Variants in CADM2 observed in about 807,000 individuals in gnomAD.
CADM2 encodes the protein immunoglobulin superfamily member 4D.
Under a neutral mutation model 49.8 loss-of-function variants are expected in CADM2, and 12 were observed. The ratio of observed to expected loss-of-function variants is 0.24; its 90% CI spans 0.15 to 0.39. The LOEUF (loss-of-function observed/expected upper bound fraction) is 0.39, where lower values mean the gene tolerates loss of function less well. Ranked by LOEUF, CADM2 falls within the 10% of genes least tolerant of loss-of-function variation. The pLI is 1.00. For synonymous variants in CADM2, 214 were observed against 175.4 expected, an observed-to-expected ratio of 1.22 and a Z score of -1.74; for missense variants, 378 against 492.3, an observed-to-expected ratio of 0.77 and a Z score of 2.20.
chr3:85,954,578 T>C (rs1723816030), intron 7 of CADM2, among the ~76,000 whole-genome samples: 1 of 151,240 alleles, frequency 6.6e-6, no homozygotes, highest in African/African-American at 2.4e-5. Context: ...CTTCTCCTTT[T>C]TTCTTCCTCC....
At chr3:85,966,531 G>A (rs1370551670) in intron 8 of CADM2, among the ~76,000 whole-genome samples, 1 of 151,460 alleles carries the variant, frequency 6.6e-6, no homozygotes, top group African/African-American at 2.4e-5. Flanking sequence ...CTATCATTTA[G>A]AATGAAATTG....
chr3:85,889,646 A>G (rs1302867433), intron 5 of CADM2, among the ~76,000 whole-genome samples: 1 of 152,234 alleles, frequency 6.6e-6, no homozygotes, highest in Non-Finnish European at 1.5e-5. Flanking sequence ...AATTCTGTAT[A>G]AAATGATATG....
At chr3:85,634,335 T>C (rs2064396063) in intron 1 of CADM2, among the ~76,000 whole-genome samples, 1 of 152,062 alleles carries the variant, frequency 6.6e-6, no homozygotes, top group South Asian at 2.1e-4. Flanking sequence ...TATTTTATGA[T>C]ATTAGTGGAC....
At chr3:85,943,367 T>G (rs1300812429) in intron 7 of CADM2, among the ~76,000 whole-genome samples, 43 of 143,504 alleles carry the variant, frequency 3.0e-4, no homozygotes, top group African/African-American at 1.1e-3. Context: ...ATTTTGGCTT[T>G]TGTTGCCATT....
chr3:85,810,435 G>A (rs1343919264), intron 3 of CADM2, among the ~76,000 whole-genome samples: 3 of 151,734 alleles, frequency 2.0e-5, no homozygotes, highest in African/African-American at 7.3e-5. Flanking sequence ...GAAAATCTTG[G>A]GTTATTTTAT....
intron 1 of CADM2, among the ~76,000 whole-genome samples, chr3:85,432,715 T>C (rs188552906): frequency 1.3e-5 from 2 of 152,302 alleles, no homozygotes; most frequent in East Asian, 3.9e-4. Context: ...CAGTAACATA[T>C]ATTTTCTAAA....
At chr3:85,610,961 C>A (rs1283184573) in intron 1 of CADM2, among the ~76,000 whole-genome samples, 2 of 151,790 alleles carry the variant, frequency 1.3e-5, no homozygotes, top group Non-Finnish European at 2.9e-5. Flanking sequence ...CAGGATGTAA[C>A]ATCAGTGGAG....
chr3:85,972,876 A>G (rs1465545176), intron 8 of CADM2, among the ~76,000 whole-genome samples: 2 of 151,762 alleles, frequency 1.3e-5, no homozygotes, highest in Non-Finnish European at 2.9e-5. Flanking sequence ...TTTCTAAAAA[A>G]TCCTTCATTA....
chr3:84,990,837 T>C (rs956565477), intron 1 of CADM2, among the ~76,000 whole-genome samples: 1 of 152,140 alleles, frequency 6.6e-6, no homozygotes, highest in Non-Finnish European at 1.5e-5. Flanking sequence ...TTCTTATTCC[T>C]ATTTTCTAAG....
chr3:85,078,706 TGAG>T (rs908346745), intron 1 of CADM2, among the ~76,000 whole-genome samples: 1 of 151,692 alleles, frequency 6.6e-6, no homozygotes, highest in African/African-American at 2.4e-5. Context: ...TCTCTTAAAA[TGAG>T]CCTTTTACAA....
intron 1 of CADM2, among the ~76,000 whole-genome samples, chr3:85,088,814 T>A (rs1186050153): frequency 6.6e-6 from 1 of 152,146 alleles, no homozygotes; most frequent in Admixed American, 6.6e-5. Context: ...TTAAGAGATA[T>A]AAATGACAGA....
At chr3:85,726,738 G>A (rs139212041) in intron 2 of CADM2, among the ~76,000 whole-genome samples, 190 bp downstream of exon 2, 175 of 152,142 alleles carry the variant, frequency 1.2e-3, no homozygotes, top group African/African-American at 3.4e-3. Flanking sequence ...ATGTTTGCAT[G>A]AATGTTTGTG....
At chr3:85,417,626 A>G (rs891552094) in intron 1 of CADM2, among the ~76,000 whole-genome samples, 2 of 152,282 alleles carry the variant, frequency 1.3e-5, no homozygotes, top group East Asian at 3.9e-4. Context: ...GGTTGCTGGA[A>G]GTTACCAGGC....
At chr3:85,141,731 T>C (rs1261274146) in intron 1 of CADM2, among the ~76,000 whole-genome samples, 1 of 152,144 alleles carries the variant, frequency 6.6e-6, no homozygotes, top group African/African-American at 2.4e-5. Context: ...AAACCCACAA[T>C]TATCCGGAAC....
chr3:86,012,523 G>T (rs976771558), intron 8 of CADM2: 5 of 1,332,870 alleles, frequency 3.8e-6, no homozygotes, highest in Non-Finnish European at 4.1e-6. Flanking sequence ...TGAGGAGGCC[G>T]GGAGCGGAGG....
intron 1 of CADM2, among the ~76,000 whole-genome samples, chr3:85,614,321 A>G (rs1490455941): frequency 6.6e-6 from 1 of 151,784 alleles, no homozygotes. Flanking sequence ...TACTTTATAT[A>G]TCTCCTTATT....
At chr3:85,699,548 C>A (rs960100162) in intron 1 of CADM2, among the ~76,000 whole-genome samples, 2 of 152,250 alleles carry the variant, frequency 1.3e-5, no homozygotes, top group Non-Finnish European at 2.9e-5. Flanking sequence ...ATGGAAGCTG[C>A]CAGGGCTTAT....
intron 1 of CADM2, among the ~76,000 whole-genome samples, chr3:85,000,587 G>A (rs1047509704): frequency 6.6e-6 from 1 of 151,938 alleles, no homozygotes; most frequent in African/African-American, 2.4e-5. Context: ...AAGATGAATA[G>A]GAGAGTCTCA....
At chr3:85,381,847 C>G (rs1395238409) in intron 1 of CADM2, among the ~76,000 whole-genome samples, 1 of 151,950 alleles carries the variant, frequency 6.6e-6, no homozygotes, top group Non-Finnish European at 1.5e-5. Context: ...GTCCTGCACT[C>G]TAGAACTTCA....
Sources: gnomAD v4.1 joint callset for allele counts (sites outside exome capture counted in the v4.1 genomes callset) on GRCh38, gnomAD v4.1.1 for gene constraint, MANE v1.5 for transcripts, NCBI Gene and HGNC (gene_info 2026-07-23, HGNC 2026-07-21) for gene names.